TNRC6C: variants seen among roughly 807,000 people sequenced by gnomAD.
The protein encoded by TNRC6C is trinucleotide repeat-containing gene 6C protein.
In TNRC6C, 20 loss-of-function variants were observed where a neutral mutation model predicts 153.7. That is an observed-to-expected ratio of 0.13 (90% CI 0.09 to 0.19). TNRC6C has a LOEUF of 0.19. TNRC6C is among the 10% of genes least tolerant of loss of function. The pLI, the probability that TNRC6C is intolerant of heterozygous loss-of-function variation, is 1.00. For missense variants in TNRC6C, 1,987 were observed against 2,172.0 expected (o/e 0.91, Z 1.69); for synonymous variants, 811 against 841.4 (o/e 0.96, Z 0.63).
At chr17:77,998,242 T>A (rs1567906922) in intron 1 of TNRC6C, among the ~76,000 whole-genome samples, 2 of 152,184 alleles carry the variant, frequency 1.3e-5, no homozygotes, top group South Asian at 4.1e-4. Context: ...GTTATATAAG[T>A]GGACCCTACG....
At chr17:77,961,345 G>A (rs1284502713) in intron 1 of TNRC6C, among the ~76,000 whole-genome samples, 1 of 152,052 alleles carries the variant, frequency 6.6e-6, no homozygotes, top group Non-Finnish European at 1.5e-5. Flanking sequence ...TAGTAGAGAC[G>A]GGGTTTTGCC....
chr17:77,984,908 C>A (rs763200824), intron 1 of TNRC6C, among the ~76,000 whole-genome samples: 14 of 152,112 alleles, frequency 9.2e-5, no homozygotes, highest in Non-Finnish European at 1.9e-4. Context: ...TCTCTGGACC[C>A]CATAAGGAAC....
chr17:78,011,981 G>A (rs959777389), intron 1 of TNRC6C: 2 of 151,990 alleles, frequency 1.3e-5, no homozygotes, highest in East Asian at 1.9e-4. Flanking sequence ...ATTTTTCATT[G>A]TTATTTATTT....
chr17:78,082,053 C>T (rs1209982528), intron 10 of TNRC6C, among the ~76,000 whole-genome samples: 2 of 151,304 alleles, frequency 1.3e-5, no homozygotes, highest in Non-Finnish European at 2.9e-5. Flanking sequence ...TGACATTTCA[C>T]CCATGAGACA....
rs368828336 is a variant in TNRC6C at position 78,079,800 on chromosome 17, G to A, written c.3357+259G>A. 1.5e-4 allele frequency among the ~76,000 whole-genome samples: 23 copies of A among 152,210 alleles called. No individual in the cohort carries two copies. The highest frequency in any genetic ancestry group is 5.5e-4 in the African/African-American group (23 of 41,510). On this transcript the variant is annotated intron_variant, in intron 10 of 19. Coordinates refer to ENST00000301624, the Ensembl canonical transcript of TNRC6C. The surrounding 1 kb of genome is among the most constrained non-coding windows in gnomAD (Gnocchi z 4.3). ...CGAAACTAGCATTTGGCATCTTCCTGGTCAGAAGCAATATTGAGGGGGAAG... is the reference window on the plus strand; with the variant it reads ...CGAAACTAGCATTTGGCATCTTCCTAGTCAGAAGCAATATTGAGGGGGAAG...
chr17:78,086,421 T>G, intron 11 of TNRC6C, 82 bp from the exon 14 acceptor site: 2 of 1,292,234 alleles, frequency 1.5e-6, no homozygotes, highest in Non-Finnish European at 2.2e-6. Context: ...TTTTTATTTT[T>G]TAACTAATGT....
At chr17:78,052,147 T>G (rs1018100664) in intron 3 of TNRC6C, among the ~76,000 whole-genome samples, 5 of 152,220 alleles carry the variant, frequency 3.3e-5, no homozygotes, top group Non-Finnish European at 2.9e-5. Flanking sequence ...TGGGCCAGGC[T>G]GTCATGGCCA....
In TNRC6C at chr17:78,104,436, A is replaced by C. The variant is rs2073652641; in HGVS notation, c.4713-49A>C. The stretch of plus-strand genomic sequence containing the variant: ...CAGAGAAAGCCAGTGCCACGAACTC[A>C]GCAGGACTTGGGGTGGCCCTGTTCA... On this transcript the variant is annotated intron_variant, in intron 19 of 19. Transcript: ENST00000301624. The surrounding 1 kb of genome is among the most constrained non-coding windows in gnomAD (Gnocchi z 6.2). The C allele has an allele frequency of 7.0e-7, 1 of 1,435,368 alleles. No individual in the cohort carries two copies. Among genetic ancestry groups the C allele is most frequent in the Non-Finnish European group, 9.2e-7 (1 of 1,092,178 alleles). The allele number at this position is 1,435,368 out of a possible 1,614,324, so 88.9% of individuals were successfully genotyped here.
At chr17:78,070,872 T>C (rs1284545795) in intron 5 of TNRC6C, among the ~76,000 whole-genome samples, 2 of 152,184 alleles carry the variant, frequency 1.3e-5, no homozygotes, top group African/African-American at 2.4e-5. Context: ...AAATTGCACA[T>C]ATATACCAAC....
chr17:77,987,941 A>G (rs1030354175), intron 1 of TNRC6C, among the ~76,000 whole-genome samples: 1 of 152,046 alleles, frequency 6.6e-6, no homozygotes, highest in African/African-American at 2.4e-5. Flanking sequence ...TGGCCTCTCA[A>G]AGTGCTGGGA....
chr17:77,963,270 T>C (rs887920712), intron 1 of TNRC6C, among the ~76,000 whole-genome samples: 1 of 152,220 alleles, frequency 6.6e-6, no homozygotes, highest in Non-Finnish European at 1.5e-5. Context: ...CTGAGAAATG[T>C]ATAATCTTAG....
chr17:78,034,964 T>C (rs2072150476), intron 2 of TNRC6C, among the ~76,000 whole-genome samples: 1 of 151,988 alleles, frequency 6.6e-6, no homozygotes. Flanking sequence ...AAAAAATAAA[T>C]AACGTCTCTG....
intron 1 of TNRC6C, among the ~76,000 whole-genome samples, chr17:77,998,101 G>A (rs1015599971): frequency 2.0e-5 from 3 of 151,846 alleles, no homozygotes; most frequent in African/African-American, 7.3e-5. Flanking sequence ...CCATCATCAC[G>A]TGAAGATGCA....
intron 2 of TNRC6C, among the ~76,000 whole-genome samples, chr17:78,038,430 T>C (rs2072223713): frequency 6.6e-6 from 1 of 151,954 alleles, no homozygotes; most frequent in Non-Finnish European, 1.5e-5. Context: ...TCCCAGCACT[T>C]TGGGAGGCCG....
chr17:78,043,695 A>G (rs1272084952), intron 2 of TNRC6C, among the ~76,000 whole-genome samples: 1 of 151,962 alleles, frequency 6.6e-6, no homozygotes, highest in Non-Finnish European at 1.5e-5. Flanking sequence ...TATTTTTTGT[A>G]CCCATTAACC....
At chr17:78,063,817 G>T (rs540549414) in intron 3 of TNRC6C, among the ~76,000 whole-genome samples, 1 of 152,148 alleles carries the variant, frequency 6.6e-6, no homozygotes, top group Non-Finnish European at 1.5e-5. Context: ...AGATAAACAA[G>T]AATAATATTT....
exon 13 of TNRC6C, chr17:78,087,015 C>T (rs1290514244): frequency 1.2e-6 from 2 of 1,613,784 alleles, no homozygotes; most frequent in African/African-American, 2.7e-5. Context: ...CCCCTCGCAC[C>T]CACAGACTCC....
chr17:77,986,413 CAAA>C (rs764905338), intron 1 of TNRC6C, among the ~76,000 whole-genome samples: 1 of 54,296 alleles, frequency 1.8e-5, no homozygotes, highest in Non-Finnish European at 4.6e-5. Flanking sequence ...AACTCCATCT[CAAA>C]AAAAAAAAAA....
Position 78,103,400 on chromosome 17 carries a change from G to A in TNRC6C, c.4573-14G>A. On this transcript the variant is annotated splice_polypyrimidine_tract_variant and intron_variant, in intron 18 of 19. Transcript: ENST00000301624. ...GAAGAAAGCTCATTCATGTCCCTGT[G>A]CTTCCTCTATCAGATTGATGGTTCT... 3.7e-6 allele frequency: 6 copies of A among 1,613,448 alleles called. No individual in the cohort carries two copies. The highest frequency in any genetic ancestry group is 4.2e-6 in the Non-Finnish European group (5 of 1,179,582).
Sources: allele counts gnomAD v4.1 joint callset (sites outside exome capture counted in the v4.1 genomes callset), GRCh38; gene constraint gnomAD v4.1.1; non-coding constraint Gnocchi (gnomAD v3.1); transcripts MANE v1.5; gene names NCBI Gene and HGNC (gene_info 2026-07-23, HGNC 2026-07-21).